The following CEP350 variants were observed in gnomAD, a reference collection of about 807,000 sequenced individuals.
CEP350 encodes the protein centrosomal protein 350, also known as centrosome-associated protein 350.
In CEP350, 126 loss-of-function variants were observed where a neutral mutation model predicts 331.8. That is an observed-to-expected ratio of 0.38 (90% CI 0.33 to 0.44). The LOEUF is 0.44. Among genes scored for constraint, CEP350 ranks in the 20% least tolerant of loss-of-function variants. CEP350 has a pLI of 1.00. For synonymous variants in CEP350, 1,200 were observed against 1,259.5 expected (o/e 0.95, Z 1.00); for missense variants, 3,406 against 3,634.6 (o/e 0.94, Z 1.62).
rs1249442107 is a variant in CEP350, at chr1:180,113,962, G to T, written c.*2801G>T. 6.6e-6 allele frequency: 1 copy of T among 152,524 alleles called. No individual in the cohort carries two copies. The highest frequency in any genetic ancestry group is 1.5e-5 in the Non-Finnish European group (1 of 68,024). 9.4% of individuals were successfully genotyped at this position (152,524 alleles called of 1,614,324 possible). On this transcript the variant is annotated 3_prime_UTR_variant, in exon 38 of 38. Transcript: ENST00000367607. ...GTTAACTCTGGGTTAAACAAGTACA[G>T]GGTATAGATTCCCTCTTCAGGTCTA... is the stretch of plus-strand genomic sequence containing the variant.
chr1:180,023,518 T>C (rs1270024475), intron 13 of CEP350, among the ~76,000 whole-genome samples: 1 of 152,158 alleles, frequency 6.6e-6, no homozygotes, highest in Non-Finnish European at 1.5e-5. Flanking sequence ...AAGAAAACAT[T>C]GAAAAATTTG....
At chr1:180,063,191 T>A (rs901661715) in intron 26 of CEP350, among the ~76,000 whole-genome samples, 5 of 146,244 alleles carry the variant, frequency 3.4e-5, no homozygotes, top group African/African-American at 1.3e-4. Context: ...TGAAACTTTT[T>A]TTTTTTTTTT....
intron 37 of CEP350, among the ~76,000 whole-genome samples, chr1:180,105,285 G>A (rs1158831607): frequency 1.3e-5 from 2 of 151,818 alleles, no homozygotes; most frequent in East Asian, 3.9e-4. Flanking sequence ...TGAAATGTTG[G>A]CATGCTCCTG....
rs1290674884 is a variant in CEP350 at position 180,093,765 on chromosome 1, C to T, written c.7660C>T (p.His2554Tyr). ...GIAYFECKEK[H>Y]GIFAPPQKIS... ...TGCATATTTTGAGTGCAAAGAAAAGCATGGTATTTTTGCTCCTCCTCAAAA... is the reference window on the plus strand; with the variant it reads ...TGCATATTTTGAGTGCAAAGAAAAGTATGGTATTTTTGCTCCTCCTCAAAA... The change falls in exon 34 of 38, where the codon CAT becomes TAT. Residue 2554 changes from histidine to tyrosine, a missense_variant. Coordinates refer to ENST00000367607, the MANE Select transcript of CEP350 (RefSeq NM_014810.5). The T allele has an allele frequency of 6.2e-7, 1 of 1,613,728 alleles. No individual in the cohort carries two copies. The highest frequency in any genetic ancestry group is 1.1e-5 in the South Asian group (1 of 91,082).
At position 180,020,554 on chromosome 1, in the gene CEP350, G is replaced by T; in HGVS notation, c.2780G>T (p.Arg927Ile). 5.6e-6 allele frequency: 9 copies of T among 1,613,976 alleles called. No individual in the cohort carries two copies. The highest frequency in any genetic ancestry group is 7.6e-6 in the Non-Finnish European group (9 of 1,179,880). Residue 927 changes from arginine to isoleucine, a missense_variant, in exon 12 of 38, where the codon AGA becomes ATA. By Grantham distance (97) the Arg-to-Ile change is moderately conservative. Around this residue, in one of 5 missense-constraint regions of CEP350, gnomAD observed 1,857 missense variants for 1,909.2 expected, o/e 0.97. Coordinates refer to ENST00000367607, the MANE Select transcript of CEP350 (RefSeq NM_014810.5). The part of the protein sequence containing the change: ...SEFKKLPEMI[R>I]PQSAISSFRV... Reference sequence around the variant, plus strand: ...TTTAAAAAGCTTCCTGAGATGATAAGACCACAGAGTGCCATATCAAGCTTT... The same window carrying T: ...TTTAAAAAGCTTCCTGAGATGATAATACCACAGAGTGCCATATCAAGCTTT...
At chr1:180,100,981 A>G (rs1305702060) in intron 37 of CEP350, among the ~76,000 whole-genome samples, 1 of 152,240 alleles carries the variant, frequency 6.6e-6, no homozygotes, top group African/African-American at 2.4e-5. Context: ...GCCAAACCAT[A>G]TCAGTACCCT....
At chr1:180,000,272 G>A (rs1294907722) in intron 6 of CEP350, among the ~76,000 whole-genome samples, 4 of 151,870 alleles carry the variant, frequency 2.6e-5, no homozygotes, top group East Asian at 1.9e-4. Context: ...AATGTTGAGC[G>A]GTGGGATTAG....
intron 37 of CEP350, among the ~76,000 whole-genome samples, chr1:180,109,123 C>CTTTTTT (rs34359732): frequency 7.1e-6 from 1 of 140,342 alleles, no homozygotes. Flanking sequence ...TTCACTTTCT[C>CTTTTTT]TTTTTTTTTT....
At chr1:179,969,472 G>A in intron 1 of CEP350, 1 of 482,702 alleles carries the variant, frequency 2.1e-6, no homozygotes, top group Non-Finnish European at 4.2e-6. Context: ...CACTGCTCAG[G>A]CCACTGAATG....
In CEP350 at chr1:180,016,071, CAG is replaced by C. The variant is rs1654950965; in HGVS notation, c.2174+106_2174+107del. On this transcript the variant is annotated intron_variant, in intron 11 of 37. Coordinates refer to ENST00000367607, the MANE Select transcript of CEP350 (RefSeq NM_014810.5). ...TTGTTGACTTTTGTGAACAAGAGGG[CAG>C]AGAGGTTTATTTACAAATTGGTTCA... is the stretch of plus-strand genomic sequence containing the variant. 7 of 1,359,228 alleles carry C rather than the reference CAG, an allele frequency of 5.1e-6. 1 individual carries two copies. Among genetic ancestry groups the C allele is most frequent in the Admixed American group, 1.9e-5 (1 of 52,114 alleles). 84.2% of individuals were successfully genotyped at this position (1,359,228 alleles called of 1,614,324 possible). A position where few individuals can be genotyped will look rare whatever the true frequency, so the allele number is the denominator to read the frequency against.
intron 27 of CEP350, chr1:180,074,004 T>TA: frequency 8.8e-7 from 1 of 1,139,702 alleles, no homozygotes. Flanking sequence ...TCTTTTTTTT[T>TA]AATAGCCTGG....
chr1:180,064,485 A>T (rs542376390), intron 26 of CEP350, among the ~76,000 whole-genome samples: 1 of 152,166 alleles, frequency 6.6e-6, no homozygotes, highest in Admixed American at 6.5e-5. Flanking sequence ...GTTGCTACCC[A>T]TCTTCCTGAA....
intron 1 of CEP350, among the ~76,000 whole-genome samples, chr1:179,970,053 C>G (rs141185138): frequency 6.3e-4 from 96 of 152,240 alleles, no homozygotes; most frequent in African/African-American, 2.3e-3. Context: ...ATTTTTAGGG[C>G]TCCCCCCTTC....
chr1:180,093,559 T>C lies in CEP350; in HGVS notation c.7454T>C (p.Leu2485Ser). ...HEQQVTESPS[L>S]ASVPTADELF... ...CAGCAAGTTACTGAATCCCCTTCCT[T>C]GGCTTCAGTTCCTACTGCAGACGAG... is the stretch of plus-strand genomic sequence containing the variant. Residue 2485 changes from leucine (L) to serine (S), a missense_variant, in exon 34 of 38, where the codon TTG (leucine) becomes TCG (serine). Transcript: ENST00000367607. 1 of 1,613,812 alleles carries C rather than the reference T, an allele frequency of 6.2e-7. No individual in the cohort carries two copies. Among genetic ancestry groups the C allele is most frequent in the Non-Finnish European group, 8.5e-7 (1 of 1,179,702 alleles).
At chr1:180,050,673 CA>C (rs4058356) in intron 22 of CEP350, among the ~76,000 whole-genome samples, 8,301 of 84,070 alleles carry the variant, frequency 0.099, 342 homozygotes, top group African/African-American at 0.25. Flanking sequence ...CCAAAAAAAC[CA>C]AAAAAAAAAA....
At chr1:180,039,682 A>T (rs1247488598) in intron 17 of CEP350, among the ~76,000 whole-genome samples, 1 of 152,134 alleles carries the variant, frequency 6.6e-6, no homozygotes, top group East Asian at 1.9e-4. Context: ...GTGAGTTTTG[A>T]AATCAAGACA....
chr1:180,003,808 T>G (rs138445357), intron 7 of CEP350, among the ~76,000 whole-genome samples: 49 of 152,258 alleles, frequency 3.2e-4, no homozygotes, highest in African/African-American at 1.1e-3. Flanking sequence ...TTGGGCAAGA[T>G]GCTGAGTGGG....
chr1:180,080,447 T>C, intron 29 of CEP350, 70 bp from the exon 30 acceptor site: 1 of 1,336,278 alleles, frequency 7.5e-7, no homozygotes, highest in Non-Finnish European at 1.1e-6. Context: ...ATGGCTAGTA[T>C]GTCAAATTTT....
chr1:180,054,554 G>A, intron 25 of CEP350, 52 bp downstream of exon 25: 1 of 1,315,516 alleles, frequency 7.6e-7, no homozygotes, highest in Non-Finnish European at 1.1e-6. Flanking sequence ...AAGTTAGTTT[G>A]TGGAATCTAT....
Sources: gnomAD v4.1 joint callset for allele counts (sites outside exome capture counted in the v4.1 genomes callset) on GRCh38, gnomAD v4.1.1 for gene constraint, gnomAD v4.1.1 regional missense constraint, MANE v1.5 for transcripts, NCBI Gene and HGNC (gene_info 2026-07-23, HGNC 2026-07-21) for gene names.